The following DGKB variants were observed in gnomAD, a reference collection of about 807,000 sequenced individuals.
DGKB encodes the protein 90 kDa diacylglycerol kinase.
DGKB carries 67 observed loss-of-function variants against 114.3 expected under a neutral mutation model. The ratio of observed to expected loss-of-function variants is 0.59; its 90% confidence interval spans 0.48 to 0.72. DGKB has a LOEUF of 0.72. DGKB is among the 30% of genes least tolerant of loss of function. The probability of loss-of-function intolerance (pLI) is 0.00; values close to 1 mark genes in which losing one functional copy is unlikely to be tolerated. For missense variants in DGKB, 907 were observed against 975.2 expected (o/e 0.93, Z 0.93); for synonymous variants, 398 against 323.1 (o/e 1.23, Z -2.49).
intron 23 of DGKB, among the ~76,000 whole-genome samples, chr7:14,295,666 A>C (rs1197193188): frequency 6.6e-6 from 1 of 152,072 alleles, no homozygotes; most frequent in Non-Finnish European, 1.5e-5. Context: ...TAAATATGCC[A>C]ACCTTCAAAC....
chr7:14,855,497 C>T (rs779034331), intron 1 of DGKB, among the ~76,000 whole-genome samples: 3 of 152,098 alleles, frequency 2.0e-5, no homozygotes, highest in Non-Finnish European at 4.4e-5. Flanking sequence ...AGCTGACCTC[C>T]AACCCAAATA....
chr7:14,182,796 CATT>C (rs1417849813), intron 23 of DGKB, among the ~76,000 whole-genome samples: 3 of 152,106 alleles, frequency 2.0e-5, no homozygotes, highest in Admixed American at 1.3e-4. Flanking sequence ...TAATATGTCT[CATT>C]ATGTAATTGT....
chr7:14,339,552 G>A (rs971157739), intron 22 of DGKB, among the ~76,000 whole-genome samples: 1 of 151,992 alleles, frequency 6.6e-6, no homozygotes, highest in African/African-American at 2.4e-5. Context: ...GTTATATTCA[G>A]AGTGGTCACT....
At chr7:14,657,326 G>A (rs1816054268) in intron 13 of DGKB, among the ~76,000 whole-genome samples, 1 of 151,758 alleles carries the variant, frequency 6.6e-6, no homozygotes, top group Non-Finnish European at 1.5e-5. Flanking sequence ...ATAATACCAT[G>A]AAATTGAGTC....
intron 2 of DGKB, chr7:14,814,269 A>T (rs912262277): frequency 3.9e-5 from 6 of 152,168 alleles, no homozygotes; most frequent in African/African-American, 1.4e-4. Context: ...TTCTCTGGAC[A>T]TTGGCTACGA....
chr7:14,944,534 C>T (rs183973053), intron 1 of DGKB, among the ~76,000 whole-genome samples: 1 of 151,922 alleles, frequency 6.6e-6, no homozygotes, highest in Admixed American at 6.6e-5. Context: ...AAGTAAATCA[C>T]ATAATTTCTC....
intron 23 of DGKB, among the ~76,000 whole-genome samples, chr7:14,235,864 T>G (rs796356691): frequency 6.6e-5 from 10 of 152,172 alleles, no homozygotes; most frequent in African/African-American, 2.4e-4. Flanking sequence ...GCAACATATG[T>G]GATAGGCATA....
intron 23 of DGKB, among the ~76,000 whole-genome samples, chr7:14,237,743 G>A (rs2128356347): frequency 6.6e-6 from 1 of 151,892 alleles, no homozygotes. Context: ...TGTTATCTTG[G>A]CACCGAAAAA....
intron 16 of DGKB, among the ~76,000 whole-genome samples, chr7:14,612,888 G>A (rs774834521): frequency 7.9e-5 from 12 of 151,918 alleles, no homozygotes; most frequent in Non-Finnish European, 1.6e-4. Flanking sequence ...TAAATATATT[G>A]TACTTCTCCA....
chr7:14,265,460 T>G (rs1334496166), intron 23 of DGKB, among the ~76,000 whole-genome samples: 2 of 151,728 alleles, frequency 1.3e-5, no homozygotes, highest in Admixed American at 6.6e-5. Flanking sequence ...TGTGACAGTT[T>G]CATATTATCT....
At chr7:14,850,546 A>C (rs1419774416) in intron 1 of DGKB, among the ~76,000 whole-genome samples, 1 of 152,110 alleles carries the variant, frequency 6.6e-6, no homozygotes, top group Admixed American at 6.6e-5. Flanking sequence ...TTGTGGATTT[A>C]GTGTTTAGGA....
intron 20 of DGKB, among the ~76,000 whole-genome samples, chr7:14,507,186 C>A (rs1255772246): frequency 6.6e-6 from 1 of 152,138 alleles, no homozygotes; most frequent in African/African-American, 2.4e-5. Context: ...TTAACTCAAA[C>A]AACTATATAT....
At chr7:14,719,427 T>G (rs17669724) in intron 5 of DGKB, among the ~76,000 whole-genome samples, 3,955 of 124,846 alleles carry the variant, frequency 0.032, 85 homozygotes, top group South Asian at 0.072. Flanking sequence ...ACTTGTTAGT[T>G]CTGTCTTACC....
upstream of DGKB, among the ~76,000 whole-genome samples, chr7:14,906,964 AT>A (rs1783743236): frequency 6.6e-6 from 1 of 152,186 alleles, no homozygotes; most frequent in African/African-American, 2.4e-5. Flanking sequence ...TTATATAAGT[AT>A]TTTATCTTTC....
intron 5 of DGKB, among the ~76,000 whole-genome samples, chr7:14,726,881 T>C (rs1339189379): frequency 2.0e-5 from 3 of 152,168 alleles, no homozygotes; most frequent in Non-Finnish European, 4.4e-5. Context: ...GTACTGAGGA[T>C]AAAGCATGGA....
At chr7:14,246,134 G>A (rs1358209034) in intron 23 of DGKB, among the ~76,000 whole-genome samples, 1 of 152,092 alleles carries the variant, frequency 6.6e-6, no homozygotes, top group Non-Finnish European at 1.5e-5. Flanking sequence ...GTTCATGAAA[G>A]CTTCATTTAG....
At chr7:14,554,839 A>G (rs1795650656) in intron 20 of DGKB, among the ~76,000 whole-genome samples, 1 of 152,120 alleles carries the variant, frequency 6.6e-6, no homozygotes, top group Non-Finnish European at 1.5e-5. Context: ...TTTCTATTAC[A>G]TGCTTATTTT....
intron 5 of DGKB, among the ~76,000 whole-genome samples, chr7:14,724,475 C>A (rs1428142948): frequency 6.6e-6 from 1 of 152,258 alleles, no homozygotes; most frequent in East Asian, 1.9e-4. Flanking sequence ...GATACAGTCC[C>A]TGATATGAAA....
intron 23 of DGKB, among the ~76,000 whole-genome samples, chr7:14,195,890 TATA>T (rs1784947078): frequency 6.6e-6 from 1 of 152,160 alleles, no homozygotes; most frequent in Admixed American, 6.5e-5. Context: ...TGAAAGACTT[TATA>T]ATATTTGAGG....
Sources: gnomAD v4.1 joint callset for allele counts (sites outside exome capture counted in the v4.1 genomes callset) on GRCh38, gnomAD v4.1.1 for gene constraint, MANE v1.5 for transcripts, NCBI Gene and HGNC (gene_info 2026-07-23, HGNC 2026-07-21) for gene names.